The following GLDC variants were observed in gnomAD, a reference collection of about 807,000 sequenced individuals.
The protein encoded by GLDC is glycine decarboxylase.
Under a neutral mutation model 121.3 loss-of-function variants are expected in GLDC, and 104 were observed. The ratio of observed to expected loss-of-function variants is 0.86; its 90% CI spans 0.73 to 1.01. The LOEUF (loss-of-function observed/expected upper bound fraction) is 1.01, where lower values mean the gene tolerates loss of function less well. Among genes scored for constraint, GLDC ranks in the 50% least tolerant of loss-of-function variants. The pLI, the probability that GLDC is intolerant of heterozygous loss-of-function variation, is 0.00. For missense variants in GLDC, 1,429 were observed against 1,306.6 expected, an observed-to-expected ratio of 1.09 and a Z score of -1.44; for synonymous variants, 546 against 480.6, an observed-to-expected ratio of 1.14 and a Z score of -1.78.
At chr9:6,565,179 G>C (rs1254589828) in intron 16 of GLDC, among the ~76,000 whole-genome samples, 175 bp downstream of exon 16, 4 of 152,214 alleles carry the variant, frequency 2.6e-5, no homozygotes, top group Non-Finnish European at 4.4e-5. Context: ...ATGGTCAAGT[G>C]GGATGTCTTG....
rs1563864174 is a variant in GLDC at position 6,619,145 on chromosome 9, G to GAAAAAAAAAAAAAA, written c.470+1038_470+1039insTTTTTTTTTTTTTT. On this transcript the variant is annotated intron_variant, in intron 3 of 24. Transcript: ENST00000321612. The stretch of plus-strand genomic sequence containing the variant: ...GCAACAGAGTGAGACTCTGTCTCAG[G>GAAAAAAAAAAAAAA]CAAAAAAAAAAAAAAAAAAAAAAAA... 6.6e-5 allele frequency among the ~76,000 whole-genome samples: 2 copies of GAAAAAAAAAAAAAA among 30,210 alleles called. 1 individual carries two copies. The highest frequency in any genetic ancestry group is 3.0e-4 in the African/African-American group (2 of 6,588). 19.8% of individuals were successfully genotyped at this position (30,210 alleles called of 152,430 possible). A position where few individuals can be genotyped will look rare whatever the true frequency, so the allele number is the denominator to read the frequency against.
intron 15 of GLDC, chr9:6,565,866 A>T (rs967823251): frequency 3.3e-6 from 1 of 306,172 alleles, no homozygotes; most frequent in African/African-American, 2.1e-5. Context: ...GCTGAACTAT[A>T]TATTTTGAAG....
In GLDC at chr9:6,645,278, G is replaced by T. The variant is rs148373517; in HGVS notation, c.222C>A (p.Asp74Glu). 1.2e-6 allele frequency: 2 copies of T among 1,604,578 alleles called. No homozygotes were observed. The highest frequency in any genetic ancestry group is 1.3e-5 in the African/African-American group (1 of 74,148). Residue 74 changes from aspartate to glutamate, a missense_variant, in exon 1 of 25, where the codon GAC (aspartate) becomes GAA (glutamate). By Grantham distance (45) the Asp-to-Glu change is conservative. Transcript: ENST00000321612. ...ARRHIGPGDK[D>E]QREMLQTLGL... ...CCAAGGTCTGCAGCATCTCTCTCTGGTCTTTGTCCCCAGGGCCGATGTGCC... is the reference window on the plus strand; with the variant it reads ...CCAAGGTCTGCAGCATCTCTCTCTGTTCTTTGTCCCCAGGGCCGATGTGCC...
chr9:6,640,162 G>C (rs1333942182), intron 2 of GLDC, among the ~76,000 whole-genome samples: 1 of 152,178 alleles, frequency 6.6e-6, no homozygotes, highest in Non-Finnish European at 1.5e-5. Flanking sequence ...TGACTCCCTT[G>C]CTACAGCAAG....
chr9:6,604,501 A>C (rs1587959893), intron 7 of GLDC, 87 bp downstream of exon 7: 1 of 1,241,850 alleles, frequency 8.1e-7, no homozygotes, highest in African/African-American at 1.5e-5. Context: ...GGCCCAGTTG[A>C]ATTCAGATAG....
At chr9:6,565,110 G>A (rs1443316098) in intron 16 of GLDC, among the ~76,000 whole-genome samples, 1 of 152,214 alleles carries the variant, frequency 6.6e-6, no homozygotes, top group Non-Finnish European at 1.5e-5. Flanking sequence ...CAGCCAACTG[G>A]CTGACGTTTG....
intron 2 of GLDC, among the ~76,000 whole-genome samples, chr9:6,639,763 T>G (rs1819592113): frequency 6.6e-6 from 1 of 150,598 alleles, no homozygotes; most frequent in African/African-American, 2.5e-5. Context: ...AAAATAGAAC[T>G]TTCACCCACA....
chr9:6,636,914 T>C (rs558082291), intron 2 of GLDC, among the ~76,000 whole-genome samples: 1 of 151,652 alleles, frequency 6.6e-6, no homozygotes, highest in South Asian at 2.1e-4. Context: ...TGAAAGCCCA[T>C]CTCAACTAAA....
chr9:6,537,180 G>A (rs755295729), intron 22 of GLDC, among the ~76,000 whole-genome samples: 20 of 151,962 alleles, frequency 1.3e-4, no homozygotes, highest in Admixed American at 3.3e-4. Flanking sequence ...ACAGGTGCAC[G>A]CCACCATGCC....
Position 6,553,522 on chromosome 9 carries a change from T to G in GLDC, c.2316-13A>C, listed in dbSNP as rs200931138. 268 of 1,612,988 alleles carry G rather than the reference T, an allele frequency of 1.7e-4. No homozygotes were observed. Among genetic ancestry groups the G allele is most frequent in the Admixed American group, 7.5e-4 (45 of 59,996 alleles). On this transcript the variant is annotated splice_polypyrimidine_tract_variant and intron_variant, in intron 19 of 24. Transcript: ENST00000321612. ...GAGATGTTTCTTCCTGTATTTTTTT[T>G]AAGTGCAAATTCAGAAAATGTAAAC... is the stretch of plus-strand genomic sequence containing the variant.
At chr9:6,616,557 A>T (rs946251276) in intron 3 of GLDC, among the ~76,000 whole-genome samples, 4 of 152,206 alleles carry the variant, frequency 2.6e-5, no homozygotes, top group African/African-American at 9.6e-5. Context: ...CCCTCATTTC[A>T]GGAGAAAAAT....
intron 2 of GLDC, among the ~76,000 whole-genome samples, chr9:6,642,319 C>T (rs1195054190): frequency 6.6e-6 from 1 of 152,068 alleles, no homozygotes; most frequent in Non-Finnish European, 1.5e-5. Context: ...CACCTGAGGT[C>T]AGGAGTTCAA....
At chr9:6,644,725 C>T (rs1819704180) in intron 1 of GLDC, 33 bp from the exon 2 acceptor site, 2 of 1,470,046 alleles carry the variant, frequency 1.4e-6, no homozygotes, top group South Asian at 1.1e-5. Flanking sequence ...AGGAAAGTGC[C>T]TCTGAGTTAA....
At chr9:6,540,504 TG>T (rs1310848110) in intron 21 of GLDC, 1 of 332,436 alleles carries the variant, frequency 3.0e-6, no homozygotes, top group Non-Finnish European at 5.8e-6. Context: ...AACAGTTAAA[TG>T]TGTTGTATAG....
intron 15 of GLDC, among the ~76,000 whole-genome samples, chr9:6,572,591 A>G (rs538649842): frequency 1.3e-5 from 2 of 152,334 alleles, no homozygotes; most frequent in South Asian, 4.1e-4. Flanking sequence ...CATCCTGTGC[A>G]ATACTCCAGC....
chr9:6,617,236 C>G (rs1818984068), intron 3 of GLDC, among the ~76,000 whole-genome samples: 1 of 152,134 alleles, frequency 6.6e-6, no homozygotes, highest in Non-Finnish European at 1.5e-5. Context: ...TTCAGATCAG[C>G]TTTCAGAGAA....
At chr9:6,584,993 T>C (rs1337509900) in intron 15 of GLDC, 4 of 152,192 alleles carry the variant, frequency 2.6e-5, no homozygotes, top group African/African-American at 7.2e-5. Flanking sequence ...GTTCTCAACC[T>C]TGGCTGCAGT....
intron 2 of GLDC, among the ~76,000 whole-genome samples, chr9:6,625,833 A>G (rs1253531698): frequency 6.6e-6 from 1 of 151,380 alleles, no homozygotes; most frequent in African/African-American, 2.4e-5. Context: ...ACCTCCTGAG[A>G]AGGAGTAGAT....
At chr9:6,598,454 C>G (rs991411081) in intron 8 of GLDC, among the ~76,000 whole-genome samples, 1 of 152,084 alleles carries the variant, frequency 6.6e-6, no homozygotes, top group Non-Finnish European at 1.5e-5. Flanking sequence ...AGAGTCATGC[C>G]CCATCCACGA....
Sources: gnomAD v4.1 joint callset for allele counts (sites outside exome capture counted in the v4.1 genomes callset) on GRCh38, gnomAD v4.1.1 for gene constraint, MANE v1.5 for transcripts, NCBI Gene and HGNC (gene_info 2026-07-23, HGNC 2026-07-21) for gene names.